Variants in LRRK1 observed in about 807,000 individuals in gnomAD.
The protein encoded by LRRK1 is leucine rich repeat kinase 1, also known as leucine-rich repeat serine/threonine-protein kinase 1.
LRRK1 carries 113 observed loss-of-function variants against 209.1 expected under a neutral mutation model. That is an observed-to-expected ratio of 0.54 (90% CI 0.46 to 0.63). The LOEUF (loss-of-function observed/expected upper bound fraction) is 0.63, where lower values mean the gene tolerates loss of function less well. Among genes scored for constraint, LRRK1 ranks in the 30% least tolerant of loss-of-function variants. The pLI is 0.00. For missense variants in LRRK1, 2,284 were observed against 2,632.2 expected (o/e 0.87, Z 2.89); for synonymous variants, 1,144 against 1,099.7 (o/e 1.04, Z -0.80).
At chr15:100,976,103 G>A (rs1475986414) in intron 3 of LRRK1, among the ~76,000 whole-genome samples, 1 of 151,994 alleles carries the variant, frequency 6.6e-6, no homozygotes. Flanking sequence ...CAAATAAAAA[G>A]AAAAATTTAA....
In LRRK1 at chr15:101,069,354, CG is replaced by C. The variant is rs2036698522; in HGVS notation, c.*507del. 1 of 152,774 alleles carries C rather than the reference CG, an allele frequency of 6.5e-6. No individual in the cohort carries two copies. The highest frequency in any genetic ancestry group is 6.5e-5 in the Admixed American group (1 of 15,298). The allele number at this position is 152,774 out of a possible 1,614,324, so 9.5% of individuals were successfully genotyped here. ...CACATTCCACAGGCTCCTGAGTCCC[CG>C]AGGCCTGGGCCAGCTTGGGCAAGCC... On this transcript the variant is annotated 3_prime_UTR_variant, in exon 34 of 34. Transcript: ENST00000388948.
At chr15:100,997,834 A>C (rs540263365) in intron 6 of LRRK1, among the ~76,000 whole-genome samples, 3 of 152,362 alleles carry the variant, frequency 2.0e-5, no homozygotes, top group African/African-American at 4.8e-5. Flanking sequence ...AGTGATGGCC[A>C]CAAACATGGC....
intron 12 of LRRK1, among the ~76,000 whole-genome samples, chr15:101,016,921 C>T (rs1032211131): frequency 6.6e-6 from 1 of 152,216 alleles, no homozygotes; most frequent in Non-Finnish European, 1.5e-5. Flanking sequence ...GTGCTGGTCA[C>T]ACAACAAGGC....
chr15:101,022,444 G>A lies in LRRK1; in HGVS notation c.1914G>A (p.Leu638=), dbSNP rs1365758801. ...AQLRKAEKCK[L]MKMIIVGPPR... is the part of the protein sequence containing the mutation. Reference sequence around the variant, plus strand: ...TGCGGAAAGCGGAAAAGTGCAAGCTGATGAAGATGATCATCGTGGGTCCCC... The same window carrying A: ...TGCGGAAAGCGGAAAAGTGCAAGCTAATGAAGATGATCATCGTGGGTCCCC... Residue 638 remains leucine (L), a synonymous_variant, in exon 15 of 34, where the codon CTG becomes CTA. Transcript: ENST00000388948. The surrounding 1 kb of genome is among the most constrained non-coding windows in gnomAD (Gnocchi z 4.0). 1.2e-6 allele frequency: 2 copies of A among 1,614,236 alleles called. No homozygotes were observed. Among genetic ancestry groups the A allele is most frequent in the East Asian group, 4.5e-5 (2 of 44,890 alleles).
Position 101,024,833 on chromosome 15 carries a change from A to T in LRRK1, c.2098A>T (p.Ile700Phe). Residue 700 changes from isoleucine (I) to phenylalanine (F), a missense_variant, in exon 16 of 34, where the codon ATC becomes TTC. By Grantham distance (21) the Ile-to-Phe change is conservative. Coordinates refer to ENST00000388948, the MANE Select transcript of LRRK1 (RefSeq NM_024652.6). This position sits in a 1 kb window ranked among gnomAD's most constrained non-coding sequence, Gnocchi z 4.6. ...VESVEFNVWD[I>F]GGPASMATVN... is the part of the protein sequence containing the mutation. The stretch of plus-strand genomic sequence containing the variant: ...GTCCGTGGAGTTCAACGTCTGGGAC[A>T]TCGGGGGACCGGCCAGCATGGCCAC... 6.2e-7 allele frequency: 1 copy of T among 1,614,108 alleles called. No individual in the cohort carries two copies. The highest frequency in any genetic ancestry group is 8.5e-7 in the Non-Finnish European group (1 of 1,179,974).
At chr15:100,975,907 G>T (rs988159416) in intron 3 of LRRK1, among the ~76,000 whole-genome samples, 3 of 152,052 alleles carry the variant, frequency 2.0e-5, no homozygotes, top group African/African-American at 7.2e-5. Context: ...TCAAAAATTG[G>T]TTCTTTGAAG....
chr15:101,022,105 C>G lies in LRRK1; in HGVS notation c.1852+148C>G. On this transcript the variant is annotated intron_variant, in intron 14 of 33. Coordinates refer to ENST00000388948, the MANE Select transcript of LRRK1 (RefSeq NM_024652.6). The surrounding 1 kb of genome is among the most constrained non-coding windows in gnomAD (Gnocchi z 4.0). ...TTGACAAGATGCTATAAAATTGTCC[C>G]TAAAGCAATCGTTACTGAGGGTCAC... 1.5e-6 allele frequency: 1 copy of G among 654,256 alleles called. No homozygotes were observed. The allele number at this position is 654,256 out of a possible 1,614,324, so 40.5% of individuals were successfully genotyped here.
At chr15:101,014,739 C>G (rs1243204784) in intron 11 of LRRK1, among the ~76,000 whole-genome samples, 1 of 152,156 alleles carries the variant, frequency 6.6e-6, no homozygotes, top group Non-Finnish European at 1.5e-5. Context: ...GGACACCAGT[C>G]GGATTGGATT....
chr15:100,957,867 CTGT>C (rs546954477), intron 2 of LRRK1, among the ~76,000 whole-genome samples: 5 of 152,148 alleles, frequency 3.3e-5, no homozygotes, highest in Non-Finnish European at 7.3e-5. Context: ...CTGTAGTTGG[CTGT>C]TGTTGTTGTT....
intron 2 of LRRK1, among the ~76,000 whole-genome samples, chr15:100,944,479 T>C (rs574549943): frequency 6.6e-6 from 1 of 152,298 alleles, no homozygotes; most frequent in South Asian, 2.1e-4. Flanking sequence ...CAAGGATGGG[T>C]TTGTGGCATT....
At position 101,074,042 on chromosome 15, in the gene LRRK1, C is replaced by G. The variant is rs952985739; in HGVS notation, c.*5194C>G. ...TGGGCAAATGGTCTGAGGTGCCTGA[C>G]GTCCAGGCGTTCTTTTACACATCAG... is the stretch of plus-strand genomic sequence containing the variant. On this transcript the variant is annotated 3_prime_UTR_variant, in exon 34 of 34. Transcript: ENST00000388948. 1 of 152,260 alleles carries G rather than the reference C, an allele frequency of 6.6e-6. No homozygotes were observed. Among genetic ancestry groups the G allele is most frequent in the Admixed American group, 6.5e-5 (1 of 15,302 alleles). 9.4% of individuals were successfully genotyped at this position (152,260 alleles called of 1,614,324 possible).
chr15:101,063,061 C>T (rs1398720120), intron 31 of LRRK1, among the ~76,000 whole-genome samples: 2 of 152,204 alleles, frequency 1.3e-5, no homozygotes, highest in Non-Finnish European at 2.9e-5. Flanking sequence ...ACCTCACAGC[C>T]ACTTGATCAC....
chr15:100,976,667 T>C (rs1482635631), intron 3 of LRRK1, among the ~76,000 whole-genome samples: 1 of 152,172 alleles, frequency 6.6e-6, no homozygotes, highest in African/African-American at 2.4e-5. Context: ...CCAGCAAAAC[T>C]ACTGCTAGGA....
intron 1 of LRRK1, among the ~76,000 whole-genome samples, chr15:100,923,805 C>T (rs1012498988): frequency 6.6e-6 from 1 of 152,220 alleles, no homozygotes; most frequent in African/African-American, 2.4e-5. Flanking sequence ...TTAGCAGCAT[C>T]ATTGACCTCT....
At chr15:100,955,717 ATGT>A (rs1596194534) in intron 2 of LRRK1, among the ~76,000 whole-genome samples, 1 of 28,044 alleles carries the variant, frequency 3.6e-5, no homozygotes, top group East Asian at 6.8e-3. Flanking sequence ...ATTTTTACTA[ATGT>A]TTTTTTCTGC....
At chr15:101,049,484 C>A (rs116718033) in intron 22 of LRRK1, 160 bp from the exon 23 acceptor site, 4 of 722,504 alleles carry the variant, frequency 5.5e-6, no homozygotes, top group Non-Finnish European at 6.5e-6. Flanking sequence ...GGCAGGGCCA[C>A]GCACACGTAC....
chr15:101,059,844 C>T (rs1039713083), intron 29 of LRRK1, among the ~76,000 whole-genome samples: 8 of 152,162 alleles, frequency 5.3e-5, no homozygotes, highest in East Asian at 3.8e-4. Flanking sequence ...AGTCCAGGTC[C>T]GGGGCAGGGA....
chr15:101,065,157 T>G, intron 31 of LRRK1, 195 bp from the exon 32 acceptor site: 1 of 622,628 alleles, frequency 1.6e-6, no homozygotes, highest in South Asian at 2.0e-5. Context: ...ATGGTAGATA[T>G]GGCTCTGCGG....
At chr15:100,973,667 G>A (rs1198554064) in intron 2 of LRRK1, 137 bp from the exon 3 acceptor site, 5 of 896,240 alleles carry the variant, frequency 5.6e-6, no homozygotes, top group East Asian at 3.3e-5. Flanking sequence ...AGCGTCGCGG[G>A]GCCACCCCTC....
Sources: allele counts gnomAD v4.1 joint callset (sites outside exome capture counted in the v4.1 genomes callset), GRCh38; gene constraint gnomAD v4.1.1; non-coding constraint Gnocchi (gnomAD v3.1); transcripts MANE v1.5; gene names NCBI Gene and HGNC (gene_info 2026-07-23, HGNC 2026-07-21).